Variants in NCAM1 observed in about 807,000 individuals in gnomAD.
NCAM1 encodes the protein antigen recognized by monoclonal antibody 5.1H11.
A neutral mutation model predicts 109.8 loss-of-function variants in NCAM1; 14 were observed. That is an observed-to-expected ratio of 0.13 (90% confidence interval 0.08 to 0.20). The LOEUF is 0.20. NCAM1 is among the 10% of genes least tolerant of loss of function. NCAM1 has a pLI of 1.00. For synonymous variants in NCAM1, 418 were observed against 442.9 expected (o/e 0.94, Z 0.70); for missense variants, 774 against 1,109.9 (o/e 0.70, Z 4.30).
At chr11:113,153,430 AG>A (rs1219027230) in intron 1 of NCAM1, among the ~76,000 whole-genome samples, 2 of 148,296 alleles carry the variant, frequency 1.3e-5, no homozygotes, top group African/African-American at 2.5e-5. Flanking sequence ...GGCAGTGGGG[AG>A]GGGGGGCACA....
At chr11:113,139,259 A>G (rs1251644613) in intron 1 of NCAM1, among the ~76,000 whole-genome samples, 1 of 152,220 alleles carries the variant, frequency 6.6e-6, no homozygotes, top group Non-Finnish European at 1.5e-5. Context: ...TATTTATTAT[A>G]AAAGAGATGG....
rs782074654 is a variant in NCAM1, at chr11:113,214,521, T to G, written c.1059+10T>G. 2 of 1,596,868 alleles carry G rather than the reference T, an allele frequency of 1.3e-6. No individual in the cohort carries two copies. Among genetic ancestry groups the G allele is most frequent in the Non-Finnish European group, 1.7e-6 (2 of 1,171,404 alleles). ...CAGCAGCGAAGAAAAGGTATCATGC[T>G]CCCCAGGAGTTTCAGGGCCTTGGAA... On this transcript the variant is annotated intron_variant, in intron 8 of 19. Transcript: ENST00000316851.
chr11:113,254,750 G>C (rs1945792145), intron 15 of NCAM1, among the ~76,000 whole-genome samples: 1 of 152,172 alleles, frequency 6.6e-6, no homozygotes, highest in South Asian at 2.1e-4. Flanking sequence ...GCAAGCCAGA[G>C]TGACCCACCC....
At chr11:113,184,836 C>T (rs1339351775) in intron 1 of NCAM1, among the ~76,000 whole-genome samples, 1 of 152,022 alleles carries the variant, frequency 6.6e-6, no homozygotes, top group African/African-American at 2.4e-5. Flanking sequence ...GGATGTCAAA[C>T]TGTGTGCTAA....
intron 1 of NCAM1, among the ~76,000 whole-genome samples, chr11:113,043,925 G>A (rs868965593): frequency 3.3e-5 from 5 of 150,940 alleles, no homozygotes; most frequent in African/African-American, 9.8e-5. Flanking sequence ...AATGTGCCTA[G>A]ATGTTTTTGA....
intron 2 of NCAM1, 79 bp from the exon 3 acceptor site, chr11:113,204,207 G>C (rs1944162711): frequency 8.3e-7 from 1 of 1,204,616 alleles, no homozygotes; most frequent in African/African-American, 1.5e-5. Flanking sequence ...AACTCTTACT[G>C]ATCAGCCACT....
At chr11:113,228,132 G>A (rs147665321) in intron 9 of NCAM1, among the ~76,000 whole-genome samples, 1,954 of 152,292 alleles carry the variant, frequency 0.013, 32 homozygotes, top group African/African-American at 0.039. Context: ...AGGAAAAGAG[G>A]AAGTCAAATT....
chr11:113,172,064 A>C (rs1329798040), intron 1 of NCAM1, among the ~76,000 whole-genome samples: 6 of 152,148 alleles, frequency 3.9e-5, no homozygotes, highest in Admixed American at 2.6e-4. Flanking sequence ...CTTCTGAGGG[A>C]GCATAACCCT....
chr11:113,247,580 T>C (rs1298697494), intron 15 of NCAM1, among the ~76,000 whole-genome samples: 3 of 152,198 alleles, frequency 2.0e-5, no homozygotes, highest in Admixed American at 6.5e-5. Context: ...TTTATAGGGA[T>C]GTCAGCTTGG....
chr11:113,161,852 G>C (rs1942610485), intron 1 of NCAM1, among the ~76,000 whole-genome samples: 1 of 152,156 alleles, frequency 6.6e-6, no homozygotes, highest in South Asian at 2.1e-4. Flanking sequence ...CCATAGAGTA[G>C]GCTGGGCTTC....
In NCAM1 at chr11:113,092,953, A is replaced by G. The variant is rs564671963; in HGVS notation, c.53-109426A>G. Among the ~76,000 whole-genome samples the G allele has an allele frequency of 2.0e-5, 3 of 152,362 alleles. No individual in the cohort carries two copies. In the South Asian group the frequency reaches 6.2e-4, roughly 32 times the overall value. On this transcript the variant is annotated intron_variant, in intron 1 of 19. Transcript: ENST00000316851. The stretch of plus-strand genomic sequence containing the variant: ...CTGAATATGAAAATACTAAATGCTA[A>G]AAGAAAATAATGGTAGGCCTAACTT...
At chr11:113,106,337 C>G (rs1240557331) in intron 1 of NCAM1, among the ~76,000 whole-genome samples, 2 of 152,166 alleles carry the variant, frequency 1.3e-5, no homozygotes, top group African/African-American at 4.8e-5. Flanking sequence ...CATTATGGTT[C>G]AAAATATAGC....
At chr11:113,148,481 T>C (rs1942103244) in intron 1 of NCAM1, among the ~76,000 whole-genome samples, 1 of 152,026 alleles carries the variant, frequency 6.6e-6, no homozygotes, top group Non-Finnish European at 1.5e-5. Flanking sequence ...TGATTGTAAA[T>C]TAGTAATTCT....
At chr11:113,006,003 C>G (rs868953955) in intron 1 of NCAM1, among the ~76,000 whole-genome samples, 3 of 152,120 alleles carry the variant, frequency 2.0e-5, no homozygotes, top group Admixed American at 6.5e-5. Flanking sequence ...TAAGCAGTCT[C>G]AAAGGCAGCT....
At chr11:113,260,076 G>A (rs1945945632) in intron 16 of NCAM1, 70 bp from the exon 17 acceptor site, 4 of 1,427,902 alleles carry the variant, frequency 2.8e-6, no homozygotes, top group African/African-American at 1.4e-5. Context: ...CCTATTGTCT[G>A]GTCTTACCAG....
chr11:113,194,647 T>C (rs1422368656), intron 1 of NCAM1, among the ~76,000 whole-genome samples: 1 of 152,170 alleles, frequency 6.6e-6, no homozygotes, highest in African/African-American at 2.4e-5. Context: ...CATAAAAAAA[T>C]GAACCTACCA....
At chr11:113,205,169 C>A (rs1475869532) in intron 3 of NCAM1, among the ~76,000 whole-genome samples, 1 of 152,182 alleles carries the variant, frequency 6.6e-6, no homozygotes, top group East Asian at 1.9e-4. Context: ...TCTTACTATT[C>A]GTTGTGGAAT....
At chr11:113,257,029 C>T (rs542690134) in intron 16 of NCAM1, among the ~76,000 whole-genome samples, 65 of 152,310 alleles carry the variant, frequency 4.3e-4, no homozygotes, top group African/African-American at 1.4e-3. Flanking sequence ...CACAGAGCCC[C>T]GCAGGCATAC....
At chr11:113,044,113 C>A (rs1418583224) in intron 1 of NCAM1, among the ~76,000 whole-genome samples, 1 of 152,008 alleles carries the variant, frequency 6.6e-6, no homozygotes, top group African/African-American at 2.4e-5. Flanking sequence ...AAGTTTGAAT[C>A]GTTTCTCCCC....
Sources: allele counts gnomAD v4.1 joint callset (sites outside exome capture counted in the v4.1 genomes callset), GRCh38; gene constraint gnomAD v4.1.1; transcripts MANE v1.5; gene names NCBI Gene and HGNC (gene_info 2026-07-23, HGNC 2026-07-21).